The following AFF3 variants were observed in gnomAD, a reference collection of about 807,000 sequenced individuals.
AFF3 encodes the protein AF4/FMR2 family member 3.
Under a neutral mutation model 129.7 loss-of-function variants are expected in AFF3, and 32 were observed. The ratio of observed to expected loss-of-function variants is 0.25; its 90% CI spans 0.19 to 0.33. AFF3 has a LOEUF of 0.33. Ranked by LOEUF, AFF3 falls within the 10% of genes least tolerant of loss-of-function variation. AFF3 has a pLI of 1.00. For missense variants in AFF3, 1,373 were observed against 1,592.0 expected (o/e 0.86, Z 2.34); for synonymous variants, 644 against 635.4 (o/e 1.01, Z -0.20).
At chr2:99,821,471 AAAAAAAG>A (rs1463416828) in intron 8 of AFF3, among the ~76,000 whole-genome samples, 7 of 26,202 alleles carry the variant, frequency 2.7e-4, no homozygotes, top group East Asian at 2.9e-3. Flanking sequence ...TGATGAGCTA[AAAAAAAG>A]AAAAAAAGAA....
intron 4 of AFF3, among the ~76,000 whole-genome samples, chr2:100,043,572 T>C (rs909017380): frequency 2.0e-5 from 3 of 152,028 alleles, no homozygotes; most frequent in South Asian, 2.1e-4. Context: ...AAATTGAACA[T>C]AGATGAAGGA....
intron 13 of AFF3, among the ~76,000 whole-genome samples, chr2:99,643,534 A>G (rs1457446462): frequency 6.6e-6 from 1 of 152,058 alleles, no homozygotes; most frequent in Non-Finnish European, 1.5e-5. Flanking sequence ...GAAGAGACCA[A>G]CTATTAGTAC....
chr2:99,993,780 CA>C (rs1398117494), intron 7 of AFF3, among the ~76,000 whole-genome samples: 1 of 121,216 alleles, frequency 8.2e-6, no homozygotes, highest in Non-Finnish European at 1.7e-5. Context: ...GTAATGTGTA[CA>C]AACACTTTAT....
At chr2:99,640,578 A>T (rs904009255) in intron 13 of AFF3, among the ~76,000 whole-genome samples, 14 of 152,038 alleles carry the variant, frequency 9.2e-5, no homozygotes, top group Non-Finnish European at 1.2e-4. Flanking sequence ...GATGTCTTGT[A>T]AAAAGAGGAG....
intron 7 of AFF3, among the ~76,000 whole-genome samples, chr2:99,967,960 T>C (rs1677955593): frequency 6.6e-6 from 1 of 152,220 alleles, no homozygotes; most frequent in Admixed American, 6.5e-5. Context: ...CAACACAGCC[T>C]GCAACATACC....
At chr2:99,897,226 G>C (rs1694038995) in intron 7 of AFF3, among the ~76,000 whole-genome samples, 1 of 152,090 alleles carries the variant, frequency 6.6e-6, no homozygotes, top group African/African-American at 2.4e-5. Context: ...TATTTAAACT[G>C]AATTTCAGGA....
chr2:99,946,650 A>G (rs939750547), intron 7 of AFF3, among the ~76,000 whole-genome samples: 3 of 152,100 alleles, frequency 2.0e-5, no homozygotes, highest in African/African-American at 7.2e-5. Flanking sequence ...AGGAAAGAAA[A>G]TTAACTTGGG....
rs541143472 is a variant in AFF3, at chr2:99,547,958, A to G, written c.*3516T>C. ...ACTCTTCAGATTATTTTTCCAGTAC[A>G]TTCCTCATTAGATTGTGGGTTTCAA... On this transcript the variant is annotated 3_prime_UTR_variant, in exon 25 of 25. Coordinates refer to ENST00000672756, the MANE Select transcript of AFF3 (RefSeq NM_001386135.1). 36 of 212,164 alleles carry G rather than the reference A, an allele frequency of 1.7e-4. No individual in the cohort carries two copies. In the Middle Eastern group the frequency reaches 6.0e-3, roughly 35 times the overall value. 13.1% of individuals were successfully genotyped at this position (212,164 alleles called of 1,614,324 possible). A position where few individuals can be genotyped will look rare whatever the true frequency, so the allele number is the denominator to read the frequency against.
intron 2 of AFF3, among the ~76,000 whole-genome samples, chr2:100,119,635 C>T (rs1366833033): frequency 6.6e-6 from 1 of 152,204 alleles, no homozygotes; most frequent in African/African-American, 2.4e-5. Context: ...GCAATGTGCA[C>T]ACATTCTCTC....
intron 4 of AFF3, among the ~76,000 whole-genome samples, chr2:100,061,834 C>T (rs1473105238): frequency 7.1e-6 from 1 of 141,814 alleles, no homozygotes; most frequent in Non-Finnish European, 1.5e-5. Flanking sequence ...CCACCATCAC[C>T]AAAGAGATGG....
chr2:100,015,996 T>C (rs1299966515), intron 4 of AFF3, among the ~76,000 whole-genome samples: 3 of 151,470 alleles, frequency 2.0e-5, no homozygotes, highest in Non-Finnish European at 4.4e-5. Context: ...ATGGTGACAG[T>C]AGTGGCAGTG....
At chr2:99,744,265 C>CT (rs1373077567) in intron 9 of AFF3, 125 bp from the exon 10 acceptor site, 2 of 733,574 alleles carry the variant, frequency 2.7e-6, no homozygotes, top group Non-Finnish European at 4.5e-6. Flanking sequence ...CTATCAGCTA[C>CT]TTTAATGAGA....
At chr2:99,637,657 A>G (rs1394070390) in intron 13 of AFF3, among the ~76,000 whole-genome samples, 1 of 152,180 alleles carries the variant, frequency 6.6e-6, no homozygotes, top group Non-Finnish European at 1.5e-5. Flanking sequence ...AATTTAATCT[A>G]AGTACATTCA....
At chr2:100,071,214 G>A (rs1228778930) in intron 4 of AFF3, among the ~76,000 whole-genome samples, 1 of 151,988 alleles carries the variant, frequency 6.6e-6, no homozygotes, top group African/African-American at 2.4e-5. Context: ...TTTCTAAGAA[G>A]AAATAGAATG....
intron 7 of AFF3, among the ~76,000 whole-genome samples, chr2:99,940,140 A>ATG (rs1491528615): frequency 2.0e-5 from 3 of 152,222 alleles, no homozygotes; most frequent in African/African-American, 7.2e-5. Flanking sequence ...GTTTCCAGAC[A>ATG]TGTGTGTGTG....
chr2:99,839,195 T>C (rs1298618793), intron 7 of AFF3, among the ~76,000 whole-genome samples: 1 of 151,970 alleles, frequency 6.6e-6, no homozygotes, highest in Non-Finnish European at 1.5e-5. Context: ...CTGCAACCTC[T>C]ACCTCCTGGG....
chr2:100,133,129 G>A (rs185563163), intron 1 of AFF3, among the ~76,000 whole-genome samples: 23 of 151,580 alleles, frequency 1.5e-4, no homozygotes, highest in East Asian at 3.9e-4. Flanking sequence ...GTCTGGGTGC[G>A]GTGGCTCACA....
In AFF3 at chr2:99,633,221, ACATCAGGCACCGTACACGTGC is replaced by A. The variant is rs542929167; in HGVS notation, c.1184+16384_1184+16404del. ...AGTCAGTCAGTCAATAGTCAGGGGT[ACATCAGGCACCGTACACGTGC>A]CGAGATTTGACAGGCACAAGCTGGG... On this transcript the variant is annotated intron_variant, in intron 13 of 24. Coordinates refer to ENST00000672756, the MANE Select transcript of AFF3 (RefSeq NM_001386135.1). Among the ~76,000 whole-genome samples, 84 of 152,274 alleles carry A rather than the reference ACATCAGGCACCGTACACGTGC, an allele frequency of 5.5e-4. 1 individual carries two copies. Among genetic ancestry groups the A allele is most frequent in the Middle Eastern group, 3.4e-3 (1 of 294 alleles).
rs191184826 is a variant in AFF3, at chr2:99,666,234, T to C, written c.1143+6304A>G. ...CGGTGAAATTCAGGTTGTTTACTTA[T>C]GAAGTTGGGAAGACAGAAAACTACA... On this transcript the variant is annotated intron_variant, in intron 12 of 24. Transcript: ENST00000672756. Among the ~76,000 whole-genome samples the C allele has an allele frequency of 3.2e-3, 493 of 152,320 alleles. 3 individuals carry two copies. The highest frequency in any genetic ancestry group is 0.011 in the African/African-American group (472 of 41,566).
Sources: allele counts gnomAD v4.1 joint callset (sites outside exome capture counted in the v4.1 genomes callset), GRCh38; gene constraint gnomAD v4.1.1; transcripts MANE v1.5; gene names NCBI Gene and HGNC (gene_info 2026-07-23, HGNC 2026-07-21).